Variants in AQR observed in about 807,000 individuals in gnomAD.
AQR encodes the protein aquarius intron-binding spliceosomal factor, also known as RNA helicase aquarius.
A neutral mutation model predicts 180.5 loss-of-function variants in AQR; 61 were observed. The ratio of observed to expected loss-of-function variants is 0.34; its 90% CI spans 0.28 to 0.42. The LOEUF (loss-of-function observed/expected upper bound fraction) is 0.42, where lower values mean the gene tolerates loss of function less well. Among genes scored for constraint, AQR ranks in the 10% least tolerant of loss-of-function variants. The pLI is 1.00. For synonymous variants in AQR, 551 were observed against 588.8 expected, an observed-to-expected ratio of 0.94 and a Z score of 0.93; for missense variants, 1,281 against 1,798.3, an observed-to-expected ratio of 0.71 and a Z score of 5.20.
At chr15:34,875,788 A>G (rs1892881418) in intron 28 of AQR, 147 bp downstream of exon 28, 1 of 534,594 alleles carries the variant, frequency 1.9e-6, no homozygotes, top group Non-Finnish European at 3.3e-6. Context: ...GAAAGTTTAC[A>G]GGCTTAAAAT....
rs1892884270 is a variant in AQR at position 34,875,944 on chromosome 15, A to T, written c.3228T>A (p.Leu1076=). Residue 1076 remains leucine, a synonymous_variant, in exon 28 of 35, where the codon CTT becomes CTA. Transcript: ENST00000156471. The part of the protein sequence containing the change: ...QILEIETFIP[L]LLQNPQDGFS... ...ATCTTATATTTCTTACCTGTAGAAG[A>T]AGAGGGATAAAAGTTTCTATCTCCA... 1.2e-6 allele frequency: 2 copies of T among 1,608,656 alleles called. No individual in the cohort carries two copies. The highest frequency in any genetic ancestry group is 1.3e-5 in the African/African-American group (1 of 74,926).
At chr15:34,893,148 A>C (rs763369257) in intron 23 of AQR, among the ~76,000 whole-genome samples, 9 of 152,154 alleles carry the variant, frequency 5.9e-5, no homozygotes, top group Non-Finnish European at 1.5e-5. Flanking sequence ...TTTCTCAGCA[A>C]GGCAATTTAC....
chr15:34,932,685 C>T (rs1449315411), intron 10 of AQR, among the ~76,000 whole-genome samples: 7 of 152,096 alleles, frequency 4.6e-5, no homozygotes, highest in East Asian at 1.9e-4. Flanking sequence ...AAAGGCCGGG[C>T]GCGGTGGCTC....
intron 3 of AQR, among the ~76,000 whole-genome samples, chr15:34,953,145 T>G (rs1188964704): frequency 6.6e-6 from 1 of 152,224 alleles, no homozygotes; most frequent in Middle Eastern, 3.2e-3. Flanking sequence ...CATGCCTTCC[T>G]AAAAGCACGC....
chr15:34,888,923 A>C (rs1485949788), intron 24 of AQR, among the ~76,000 whole-genome samples: 2 of 152,196 alleles, frequency 1.3e-5, no homozygotes, highest in African/African-American at 4.8e-5. Context: ...GTCCAATCAA[A>C]TATGCAAACT....
intron 25 of AQR, among the ~76,000 whole-genome samples, chr15:34,885,000 C>T (rs945049941): frequency 2.2e-4 from 33 of 151,702 alleles, no homozygotes; most frequent in Non-Finnish European, 4.4e-5. Flanking sequence ...TCTCATAGAA[C>T]TCTAACTCCG....
intron 9 of AQR, among the ~76,000 whole-genome samples, chr15:34,936,831 C>T (rs1378314317): frequency 2.0e-5 from 3 of 151,950 alleles, no homozygotes; most frequent in Non-Finnish European, 1.5e-5. Flanking sequence ...GAAACCTAGA[C>T]GACCCTAGAT....
intron 5 of AQR, 67 bp downstream of exon 5, chr15:34,948,197 G>T (rs568979845): frequency 6.4e-7 from 1 of 1,552,328 alleles, no homozygotes; most frequent in South Asian, 1.2e-5. Flanking sequence ...ATCAGTAAAA[G>T]TTCTGCCACT....
chr15:34,906,822 G>A lies in AQR; in HGVS notation c.1664-110C>T, dbSNP rs796916929. 3.2e-5 allele frequency: 31 copies of A among 983,294 alleles called. No homozygotes were observed. The African/African-American group carries it at 4.4e-4, about 14-fold the overall frequency. 60.9% of individuals were successfully genotyped at this position (983,294 alleles called of 1,614,324 possible). On this transcript the variant is annotated intron_variant, in intron 17 of 34. Transcript: ENST00000156471. ...CTCTTATCTTTGGTAGAGAGATACCGTTGAGTGACCAATGATTATTATCGC... is the reference window on the plus strand; with the variant it reads ...CTCTTATCTTTGGTAGAGAGATACCATTGAGTGACCAATGATTATTATCGC...
rs534637857 is a variant in AQR, at chr15:34,927,252, T to C, written c.1015-114A>G. 304 of 542,202 alleles carry C rather than the reference T, an allele frequency of 5.6e-4. 2 individuals carry two copies. The highest frequency in any genetic ancestry group is 5.1e-3 in the African/African-American group (261 of 50,728). The allele number at this position is 542,202 out of a possible 1,614,324, so 33.6% of individuals were successfully genotyped here. A position where few individuals can be genotyped will look rare whatever the true frequency, so the allele number is the denominator to read the frequency against. ...AATATTAACGCATTTCTGTCTCTTATATGCTTCTTTTATGTGACCTCTACC... is the reference window on the plus strand; with the variant it reads ...AATATTAACGCATTTCTGTCTCTTACATGCTTCTTTTATGTGACCTCTACC... On this transcript the variant is annotated intron_variant, in intron 12 of 34. Coordinates refer to ENST00000156471, the MANE Select transcript of AQR (RefSeq NM_014691.3).
chr15:34,864,929 T>A (rs778954825), intron 32 of AQR, among the ~76,000 whole-genome samples: 82 of 152,246 alleles, frequency 5.4e-4, no homozygotes, highest in Admixed American at 1.4e-3. Context: ...AGGGCAGAGA[T>A]CATGAATGTT....
At chr15:34,957,433 G>T (rs575340757) in intron 3 of AQR, among the ~76,000 whole-genome samples, 1 of 152,172 alleles carries the variant, frequency 6.6e-6, no homozygotes, top group Admixed American at 6.5e-5. Flanking sequence ...TAGGCCAGGC[G>T]TGGTGGCTCA....
At chr15:34,952,732 C>T (rs564083957) in intron 4 of AQR, among the ~76,000 whole-genome samples, 153 bp downstream of exon 4, 2 of 152,312 alleles carry the variant, frequency 1.3e-5, no homozygotes, top group Non-Finnish European at 2.9e-5. Flanking sequence ...AAAACAAAGG[C>T]TATCATATAC....
intron 30 of AQR, 124 bp from the exon 31 acceptor site, chr15:34,871,046 T>G (rs1892808825): frequency 1.2e-6 from 1 of 822,282 alleles, no homozygotes; most frequent in East Asian, 2.6e-5. Flanking sequence ...GAAGACTTAG[T>G]AACTTGGATA....
chr15:34,968,321 C>G (rs932620287), intron 1 of AQR, among the ~76,000 whole-genome samples: 1 of 147,218 alleles, frequency 6.8e-6, no homozygotes, highest in African/African-American at 2.5e-5. Context: ...GGCGCGATCT[C>G]GGCTCACTGC....
At chr15:34,904,081 A>G (rs537663623) in intron 19 of AQR, among the ~76,000 whole-genome samples, 24 of 152,242 alleles carry the variant, frequency 1.6e-4, no homozygotes, top group African/African-American at 5.5e-4. Context: ...GACCTTTAGA[A>G]TAACACTTGG....
intron 17 of AQR, among the ~76,000 whole-genome samples, chr15:34,908,144 A>C (rs2140479805): frequency 6.6e-6 from 1 of 152,312 alleles, no homozygotes; most frequent in South Asian, 2.1e-4. Context: ...ATAATCTTTA[A>C]AATTTACTTT....
chr15:34,869,682 C>T (rs1435312218), intron 31 of AQR: 2 of 152,122 alleles, frequency 1.3e-5, no homozygotes, highest in East Asian at 3.9e-4. Flanking sequence ...CACTCTATTC[C>T]TTATGAAGTA....
intron 4 of AQR, among the ~76,000 whole-genome samples, chr15:34,949,661 C>T (rs12595430): frequency 2.8e-5 from 4 of 145,406 alleles, no homozygotes; most frequent in Admixed American, 2.7e-4. Context: ...AACATCAGTT[C>T]TAAAACAAAA....
Sources: allele counts gnomAD v4.1 joint callset (sites outside exome capture counted in the v4.1 genomes callset), GRCh38; gene constraint gnomAD v4.1.1; transcripts MANE v1.5; gene names NCBI Gene and HGNC (gene_info 2026-07-23, HGNC 2026-07-21).